ITIH2: variants seen among roughly 807,000 people sequenced by gnomAD.
ITIH2 encodes inter-alpha-trypsin inhibitor heavy chain H2.
Under a neutral mutation model 104.4 loss-of-function variants are expected in ITIH2, and 103 were observed. The observed-to-expected ratio is 0.99, with a 90% confidence interval of 0.84 to 1.16. The LOEUF (loss-of-function observed/expected upper bound fraction) is 1.16, where lower values mean the gene tolerates loss of function less well. ITIH2 is among the 50% of genes most tolerant of loss of function. The pLI is 0.00. For synonymous variants in ITIH2, 436 were observed against 435.4 expected (o/e 1.00, Z -0.02); for missense variants, 1,108 against 1,162.4 (o/e 0.95, Z 0.68).
At chr10:7,731,758 G>C in intron 12 of ITIH2, 53 bp from the exon 13 acceptor site, 1 of 1,217,208 alleles carries the variant, frequency 8.2e-7, no homozygotes, top group South Asian at 1.5e-5. Context: ...AAATGCTTTA[G>C]ATCTACAAAG....
rs1254784244 is a variant in ITIH2 at position 7,727,695 on chromosome 10, T to G, written c.1154-8T>G. 6.2e-7 allele frequency: 1 copy of G among 1,613,934 alleles called. No individual in the cohort carries two copies. Among genetic ancestry groups the G allele is most frequent in the South Asian group, 1.1e-5 (1 of 91,042 alleles). On this transcript the variant is annotated splice_region_variant and splice_polypyrimidine_tract_variant and intron_variant, in intron 10 of 20. Transcript: ENST00000358415. ...CATACCCAACGTTTCATTATGCTAC[T>G]TCAACAGGCACAAACATCAACGAAG...
chr10:7,729,209 A>G (rs933956089), intron 11 of ITIH2, among the ~76,000 whole-genome samples: 3 of 152,136 alleles, frequency 2.0e-5, no homozygotes, highest in African/African-American at 4.8e-5. Flanking sequence ...GCTATTCGGG[A>G]GGCTGAGACA....
rs574653491 is a variant in ITIH2 at position 7,732,495 on chromosome 10, C to G, written c.1787+18C>G. 6.2e-7 allele frequency: 1 copy of G among 1,603,736 alleles called. No homozygotes were observed. The highest frequency in any genetic ancestry group is 8.5e-7 in the Non-Finnish European group (1 of 1,171,734). ...GCTGAACGGTAAGAAGAGAAGAGTACCCACACCACGAGATCTGCAAAACTG... is the reference window on the plus strand; with the variant it reads ...GCTGAACGGTAAGAAGAGAAGAGTAGCCACACCACGAGATCTGCAAAACTG... On this transcript the variant is annotated intron_variant, in intron 14 of 20. Coordinates refer to ENST00000358415, the MANE Select transcript of ITIH2 (RefSeq NM_002216.3).
intron 7 of ITIH2, 81 bp downstream of exon 7, chr10:7,721,044 A>C: frequency 1.1e-6 from 1 of 900,120 alleles, no homozygotes; most frequent in South Asian, 1.4e-5. Context: ...GCTCTGGAGA[A>C]GAGAAAAGCA....
At chr10:7,721,801 CT>C (rs1332730467) in intron 8 of ITIH2, 24 bp downstream of exon 8, 4 of 1,612,050 alleles carry the variant, frequency 2.5e-6, no homozygotes, top group Non-Finnish European at 3.4e-6. Context: ...GGCTCTGGTT[CT>C]ACTGCCAAGC....
Position 7,732,197 on chromosome 10 carries a change from G to A in ITIH2, c.1648-141G>A, listed in dbSNP as rs548155358. ...TCACCCAAGCCCAATCCCAAGCACA[G>A]GAATGCATTTCCTTCCTCCGTAGGC... On this transcript the variant is annotated intron_variant, in intron 13 of 20. Transcript: ENST00000358415. The A allele has an allele frequency of 2.3e-5, 24 of 1,033,512 alleles. No homozygotes were observed. In the South Asian group the frequency reaches 3.5e-4, roughly 15 times the overall value. The allele number at this position is 1,033,512 out of a possible 1,614,324, so 64.0% of individuals were successfully genotyped here.
intron 15 of ITIH2, among the ~76,000 whole-genome samples, chr10:7,737,426 T>TATATATATATATAC (rs1407631058): frequency 7.6e-6 from 1 of 131,092 alleles, no homozygotes; most frequent in Non-Finnish European, 1.6e-5. Flanking sequence ...TATATATATA[T>TATATATATATATAC]ACACGTGTAT....
intron 5 of ITIH2, among the ~76,000 whole-genome samples, chr10:7,716,008 A>C (rs945781237): frequency 6.6e-6 from 1 of 151,770 alleles, no homozygotes; most frequent in African/African-American, 2.4e-5. Flanking sequence ...GATTATAGGC[A>C]CCCACCACCA....
intron 9 of ITIH2, among the ~76,000 whole-genome samples, chr10:7,724,263 T>C (rs1427832062): frequency 6.6e-6 from 1 of 152,046 alleles, no homozygotes; most frequent in Non-Finnish European, 1.5e-5. Flanking sequence ...CTAAGATCTG[T>C]AAGGAACCTA....
chr10:7,713,847 G>A (rs562042932), intron 5 of ITIH2, among the ~76,000 whole-genome samples: 1 of 152,054 alleles, frequency 6.6e-6, no homozygotes, highest in African/African-American at 2.4e-5. Context: ...TGGGACTTGG[G>A]GTGCACCACC....
At chr10:7,725,412 G>T (rs1002020613) in intron 9 of ITIH2, among the ~76,000 whole-genome samples, 2 of 152,244 alleles carry the variant, frequency 1.3e-5, no homozygotes, top group African/African-American at 4.8e-5. Flanking sequence ...GATGCCAGTA[G>T]AGAGGGGCAG....
At chr10:7,743,935 CAA>C (rs1387372208) in intron 17 of ITIH2, 145 bp from the exon 18 acceptor site, 12 of 445,936 alleles carry the variant, frequency 2.7e-5, no homozygotes, top group Non-Finnish European at 3.5e-5. Context: ...ATGAGAATCA[CAA>C]AGAAGAAAAT....
At position 7,746,068 on chromosome 10, in the gene ITIH2, T is replaced by TAA. The variant is rs372266950; in HGVS notation, c.2582-494_2582-493dup. Among the ~76,000 whole-genome samples the TAA allele has an allele frequency of 3.4e-3, 122 of 35,786 alleles. 1 individual carries two copies. The highest frequency in any genetic ancestry group is 4.0e-3 in the Non-Finnish European group (78 of 19,372). The allele number at this position is 35,786 out of a possible 152,430, so 23.5% of individuals were successfully genotyped here. ...CACACCCGGCCCCAAATCTTAAATT[T>TAA]AAAAAAAAAAAAAAAAAAAAAAAAA... On this transcript the variant is annotated intron_variant, in intron 19 of 20. Transcript: ENST00000358415.
intron 5 of ITIH2, among the ~76,000 whole-genome samples, chr10:7,714,957 T>G (rs1386981790): frequency 2.0e-5 from 3 of 152,178 alleles, no homozygotes; most frequent in African/African-American, 7.2e-5. Flanking sequence ...TAACAGTGAC[T>G]TGGGCATCGC....
At chr10:7,716,833 G>A (rs952681553) in intron 5 of ITIH2, among the ~76,000 whole-genome samples, 22 of 151,716 alleles carry the variant, frequency 1.5e-4, no homozygotes, top group African/African-American at 5.3e-4. Flanking sequence ...CTCCTATAGT[G>A]AGCCTCAAAT....
intron 3 of ITIH2, among the ~76,000 whole-genome samples, 184 bp from the exon 4 acceptor site, chr10:7,708,838 T>C (rs890357926): frequency 2.6e-5 from 4 of 152,174 alleles, no homozygotes; most frequent in African/African-American, 9.7e-5. Context: ...TTCTGCTCAT[T>C]GCGGGTTCCA....
At chr10:7,724,230 C>T (rs190743845) in intron 9 of ITIH2, among the ~76,000 whole-genome samples, 40 of 152,196 alleles carry the variant, frequency 2.6e-4, no homozygotes, top group Admixed American at 2.3e-3. Flanking sequence ...CTATTTTTGA[C>T]CACCCAAGAG....
At chr10:7,720,745 G>A (rs183581783) in intron 6 of ITIH2, 111 bp from the exon 7 acceptor site, 1 of 655,152 alleles carries the variant, frequency 1.5e-6, no homozygotes, top group Non-Finnish European at 2.8e-6. Flanking sequence ...TCGTGCCCGG[G>A]AAACCTGCGG....
At chr10:7,747,900 A>G (rs1237113510) in intron 20 of ITIH2, among the ~76,000 whole-genome samples, 4 of 151,880 alleles carry the variant, frequency 2.6e-5, no homozygotes, top group African/African-American at 9.7e-5. Context: ...CCTGTCTCAT[A>G]AATAAATACA....
Sources: allele counts gnomAD v4.1 joint callset (sites outside exome capture counted in the v4.1 genomes callset), GRCh38; gene constraint gnomAD v4.1.1; transcripts MANE v1.5; gene names NCBI Gene and HGNC (gene_info 2026-07-23, HGNC 2026-07-21).